Variants in USH2A observed in about 807,000 individuals in gnomAD.
USH2A encodes Usher syndrome 2A (autosomal recessive, mild).
A neutral mutation model predicts 538.9 loss-of-function variants in USH2A; 443 were observed. That is an observed-to-expected ratio of 0.82 (90% confidence interval 0.76 to 0.89). The LOEUF (loss-of-function observed/expected upper bound fraction) is 0.89. Ranked by LOEUF, USH2A falls within the 40% of genes least tolerant of loss-of-function variation. The probability of loss-of-function intolerance (pLI) is 0.00; values close to 1 mark genes in which losing one functional copy is unlikely to be tolerated. For missense variants in USH2A, 6,633 were observed against 6,324.8 expected (o/e 1.05, Z -1.65); for synonymous variants, 2,413 against 2,273.5 (o/e 1.06, Z -1.75).
intron 38 of USH2A, among the ~76,000 whole-genome samples, chr1:215,915,130 A>G (rs1018463579): frequency 6.6e-6 from 1 of 152,112 alleles, no homozygotes; most frequent in Non-Finnish European, 1.5e-5. Flanking sequence ...AAGCTTCATA[A>G]CATAAATGAC....
At chr1:216,418,385 G>C (rs2039611164) in intron 3 of USH2A, 129 bp downstream of exon 3, 2 of 1,035,772 alleles carry the variant, frequency 1.9e-6, no homozygotes, top group Admixed American at 4.7e-5. Flanking sequence ...TTCTTTAGTT[G>C]TCATTTATAC....
At chr1:215,965,275 T>C in intron 37 of USH2A, 42 bp downstream of exon 37, 2 of 1,579,044 alleles carry the variant, frequency 1.3e-6, no homozygotes, top group Non-Finnish European at 1.7e-6. Flanking sequence ...AATGAGTTGT[T>C]TTCTAATGTT....
At chr1:215,864,480 G>A (rs904456047) in intron 44 of USH2A, among the ~76,000 whole-genome samples, 6 of 152,112 alleles carry the variant, frequency 3.9e-5, no homozygotes, top group Non-Finnish European at 8.8e-5. Context: ...TTGGGACCAG[G>A]AAAATGGGGA....
chr1:215,990,838 C>G (rs867150808), intron 35 of USH2A, among the ~76,000 whole-genome samples: 11 of 150,018 alleles, frequency 7.3e-5, no homozygotes, highest in African/African-American at 2.7e-4. Context: ...CTCGGCTCAC[C>G]GCAAGCTCCG....
At chr1:216,293,246 G>C (rs1041631687) in intron 9 of USH2A, among the ~76,000 whole-genome samples, 2 of 152,062 alleles carry the variant, frequency 1.3e-5, no homozygotes, top group East Asian at 3.9e-4. Context: ...GCATGGTCTC[G>C]ATCTCCTGAC....
At chr1:215,755,680 T>C (rs2102738404) in intron 58 of USH2A, among the ~76,000 whole-genome samples, 1 of 152,288 alleles carries the variant, frequency 6.6e-6, no homozygotes, top group Non-Finnish European at 1.5e-5. Context: ...GGTCTGAATA[T>C]TATAGATTTA....
rs1160042276 is a variant in USH2A, at chr1:215,790,255, A to G, written c.9986T>C (p.Val3329Ala). 6.2e-7 allele frequency: 1 copy of G among 1,614,030 alleles called. No homozygotes were observed. Among genetic ancestry groups the G allele is most frequent in the East Asian group, 2.2e-5 (1 of 44,864 alleles). Residue 3329 changes from valine (V) to alanine (A), a missense_variant, in exon 51 of 72, where the codon GTG (valine) becomes GCG (alanine). Val to Ala is a moderately conservative substitution (Grantham distance 64). Coordinates refer to ENST00000307340, the MANE Select transcript of USH2A (RefSeq NM_206933.4). ...PGMFCCGQDY[V>A]NMSDTICCSA... is the part of the protein sequence containing the mutation. Reference sequence around the variant, plus strand: ...GCAGCATATGGTATCTGACATATTCACATAATCCTGCCCACAACAGAACAT... The same window carrying G: ...GCAGCATATGGTATCTGACATATTCGCATAATCCTGCCCACAACAGAACAT...
intron 43 of USH2A, among the ~76,000 whole-genome samples, chr1:215,867,654 C>G (rs1238427459): frequency 2.5e-4 from 38 of 152,226 alleles, no homozygotes; most frequent in Admixed American, 2.5e-3. Context: ...TTCCCATAAT[C>G]TCACTGCAGA....
intron 38 of USH2A, among the ~76,000 whole-genome samples, chr1:215,922,433 G>A (rs762678075): frequency 6.6e-6 from 1 of 152,098 alleles, no homozygotes; most frequent in South Asian, 2.1e-4. Flanking sequence ...CTGGCCCTAC[G>A]AATGTGACTT....
intron 58 of USH2A, among the ~76,000 whole-genome samples, chr1:215,748,657 G>C (rs891536002): frequency 6.6e-6 from 1 of 152,126 alleles, no homozygotes; most frequent in African/African-American, 2.4e-5. Context: ...TGTTGAACTA[G>C]ACAAACCACA....
chr1:216,142,916 G>A (rs745898598), intron 21 of USH2A, among the ~76,000 whole-genome samples: 1 of 152,076 alleles, frequency 6.6e-6, no homozygotes. Flanking sequence ...ACTTCTTGAA[G>A]TGTCTTTGTT....
chr1:216,257,980 C>T (rs940812268), intron 11 of USH2A, among the ~76,000 whole-genome samples: 1 of 151,962 alleles, frequency 6.6e-6, no homozygotes, highest in African/African-American at 2.4e-5. Flanking sequence ...TTTCAACATA[C>T]TGGCCTGATA....
In USH2A at chr1:215,878,935, C is replaced by A; in HGVS notation, c.8387G>T (p.Cys2796Phe). ...FTNYSVTIVA[C>F]SGGNGYLGGC... ...TCCAAGGTACCCATTACCCCCTGAG[C>A]AAGCAACAATGGTGACAGAATAATT... The change falls in exon 42 of 72, where the codon TGC becomes TTC. Residue 2796 changes from cysteine (C) to phenylalanine (F), a missense_variant. By Grantham distance (205) the Cys-to-Phe change is radical. Transcript: ENST00000307340. The A allele has an allele frequency of 6.2e-7, 1 of 1,613,986 alleles. No individual in the cohort carries two copies. Among genetic ancestry groups the A allele is most frequent in the Non-Finnish European group, 8.5e-7 (1 of 1,179,978 alleles).
chr1:216,145,424 A>C (rs574042875), intron 21 of USH2A, among the ~76,000 whole-genome samples: 3 of 152,324 alleles, frequency 2.0e-5, no homozygotes, highest in Non-Finnish European at 4.4e-5. Flanking sequence ...ACAAATAGCA[A>C]ATCTATGTCT....
At chr1:215,857,148 C>A (rs1366008702) in intron 44 of USH2A, among the ~76,000 whole-genome samples, 3 of 151,906 alleles carry the variant, frequency 2.0e-5, no homozygotes, top group Non-Finnish European at 4.4e-5. Flanking sequence ...GCACCAAAAT[C>A]TGAAAAATCA....
intron 47 of USH2A, among the ~76,000 whole-genome samples, chr1:215,820,927 T>C (rs964992093): frequency 6.6e-6 from 1 of 151,824 alleles, no homozygotes; most frequent in Non-Finnish European, 1.5e-5. Flanking sequence ...AGTTAAGTCT[T>C]TTTTATGGCT....
At chr1:216,136,387 G>T (rs1571990032) in intron 21 of USH2A, among the ~76,000 whole-genome samples, 1 of 152,054 alleles carries the variant, frequency 6.6e-6, no homozygotes, top group South Asian at 2.1e-4. Context: ...TCATCCAATT[G>T]CTTTAGTTAC....
At chr1:216,234,619 T>C (rs928801365) in intron 13 of USH2A, among the ~76,000 whole-genome samples, 3 of 152,092 alleles carry the variant, frequency 2.0e-5, no homozygotes, top group African/African-American at 4.8e-5. Context: ...GATGGCATCA[T>C]GAATGTGCTA....
chr1:216,040,173 G>C (rs1423219477), intron 32 of USH2A, among the ~76,000 whole-genome samples: 1 of 151,842 alleles, frequency 6.6e-6, no homozygotes, highest in Non-Finnish European at 1.5e-5. Flanking sequence ...GAACAGCAGT[G>C]GGAAGACACT....
Sources: allele counts gnomAD v4.1 joint callset (sites outside exome capture counted in the v4.1 genomes callset), GRCh38; gene constraint gnomAD v4.1.1; transcripts MANE v1.5; gene names NCBI Gene and HGNC (gene_info 2026-07-23, HGNC 2026-07-21).